Variants in AGBL1 observed in about 807,000 individuals in gnomAD.
The protein encoded by AGBL1 is cytosolic carboxypeptidase 4.
In AGBL1, 130 loss-of-function variants were observed where a neutral mutation model predicts 118.9. The ratio of observed to expected loss-of-function variants is 1.09; its 90% confidence interval spans 0.95 to 1.26. The LOEUF (loss-of-function observed/expected upper bound fraction) is 1.26, where lower values mean the gene tolerates loss of function less well. Ranked by LOEUF, AGBL1 falls within the 50% of genes most tolerant of loss-of-function variation. The probability of loss-of-function intolerance (pLI) is 0.00; values close to 1 mark genes in which losing one functional copy is unlikely to be tolerated. For synonymous variants in AGBL1, 555 were observed against 478.9 expected, an observed-to-expected ratio of 1.16 and a Z score of -2.08; for missense variants, 1,584 against 1,298.1, an observed-to-expected ratio of 1.22 and a Z score of -3.38.
chr15:86,890,747 T>C (rs1300717381), intron 22 of AGBL1, among the ~76,000 whole-genome samples: 3 of 152,206 alleles, frequency 2.0e-5, no homozygotes, highest in Non-Finnish European at 4.4e-5. Flanking sequence ...CATTGGTCTA[T>C]GTGTCTGTTT....
rs113770077 is a variant in AGBL1, at chr15:86,258,169, C to T, written c.969+138C>T. The T allele has an allele frequency of 3.1e-4, 247 of 784,726 alleles. 1 individual carries two copies. Among genetic ancestry groups the T allele is most frequent in the Middle Eastern group, 2.9e-3 (12 of 4,158 alleles). 48.6% of individuals were successfully genotyped at this position (784,726 alleles called of 1,614,324 possible). A position where few individuals can be genotyped will look rare whatever the true frequency, so the allele number is the denominator to read the frequency against. On this transcript the variant is annotated intron_variant, in intron 9 of 22. Transcript: ENST00000614907. ...TACTGCCACTCCAGTGGTCGTGATG[C>T]GCAGTAAATGATAGCTACTGTTATT...
intron 18 of AGBL1, among the ~76,000 whole-genome samples, chr15:86,497,575 G>T (rs2082869172): frequency 6.6e-6 from 1 of 151,894 alleles, no homozygotes; most frequent in Non-Finnish European, 1.5e-5. Flanking sequence ...CCTCAGCTGT[G>T]TTCCATGCCC....
Position 86,722,245 on chromosome 15 carries a change from G to A in AGBL1, c.3158+47809G>A, listed in dbSNP as rs193225984. ...CGAAGCTGGAGGCATCACGCTACCT[G>A]ACTTCAAACTCTACTACAAGTCTAC... On this transcript the variant is annotated intron_variant, in intron 22 of 22. Transcript: ENST00000614907. Among the ~76,000 whole-genome samples, 732 of 152,276 alleles carry A rather than the reference G, an allele frequency of 4.8e-3. 7 individuals are homozygous for A. Among genetic ancestry groups the A allele is most frequent in the Middle Eastern group, 0.014 (4 of 294 alleles).
intron 22 of AGBL1, among the ~76,000 whole-genome samples, chr15:86,840,203 G>A (rs941932313): frequency 1.3e-5 from 2 of 152,102 alleles, no homozygotes; most frequent in African/African-American, 2.4e-5. Flanking sequence ...ACAGAATTTT[G>A]GTTGTTGTTT....
chr15:86,708,487 A>T (rs950734317), intron 22 of AGBL1, among the ~76,000 whole-genome samples: 6 of 152,224 alleles, frequency 3.9e-5, no homozygotes, highest in South Asian at 2.1e-4. Context: ...GAAAGTGAGA[A>T]AACAAATTGC....
intron 1 of AGBL1, among the ~76,000 whole-genome samples, chr15:86,141,278 A>C (rs2076959488): frequency 6.6e-6 from 1 of 152,210 alleles, no homozygotes; most frequent in African/African-American, 2.4e-5. Flanking sequence ...TCCTGAGAAA[A>C]GGAGGAGTTC....
Position 86,120,746 on chromosome 15 carries a change from G to C in AGBL1, c.52-21258G>C, listed in dbSNP as rs1033116546. On this transcript the variant is annotated intron_variant, in intron 1 of 22. Coordinates refer to ENST00000614907, the MANE Select transcript of AGBL1 (RefSeq NM_001386094.1). The stretch of plus-strand genomic sequence containing the variant: ...CAATGCAAAAATGAGTAAAATATAA[G>C]ACAAGAGTATTAATTTCTCTAGAAA... Among the ~76,000 whole-genome samples the C allele has an allele frequency of 3.3e-5, 5 of 152,214 alleles. No individual in the cohort carries two copies. In the East Asian group the frequency reaches 9.7e-4, roughly 29 times the overall value.
At chr15:86,582,607 A>G (rs532379634) in intron 21 of AGBL1, among the ~76,000 whole-genome samples, 1 of 152,188 alleles carries the variant, frequency 6.6e-6, no homozygotes, top group Non-Finnish European at 1.5e-5. Context: ...ACTTGGAACC[A>G]AGCCAAATGT....
intron 17 of AGBL1, among the ~76,000 whole-genome samples, chr15:86,307,430 A>G (rs1000984494): frequency 6.6e-6 from 1 of 151,726 alleles, no homozygotes. Context: ...TAAATTTGTT[A>G]GTTTTTTTTT....
intron 22 of AGBL1, among the ~76,000 whole-genome samples, chr15:86,771,641 G>A (rs1006700764): frequency 1.3e-5 from 2 of 151,914 alleles, no homozygotes; most frequent in South Asian, 2.1e-4. Flanking sequence ...TAACATGTTC[G>A]GTAAATAGAA....
intron 18 of AGBL1, among the ~76,000 whole-genome samples, chr15:86,413,016 A>G (rs1202174541): frequency 2.6e-5 from 4 of 152,210 alleles, no homozygotes; most frequent in South Asian, 2.1e-4. Context: ...TTTGGATAAA[A>G]AGAATATTCA....
At chr15:86,534,260 A>C (rs903241567) in intron 19 of AGBL1, among the ~76,000 whole-genome samples, 3 of 152,166 alleles carry the variant, frequency 2.0e-5, no homozygotes, top group Admixed American at 1.3e-4. Flanking sequence ...CTTTGATAGG[A>C]ACATAGATGA....
At chr15:86,794,902 G>A (rs2078547587) in intron 22 of AGBL1, among the ~76,000 whole-genome samples, 1 of 152,158 alleles carries the variant, frequency 6.6e-6, no homozygotes, top group African/African-American at 2.4e-5. Context: ...GTCCCAAAGT[G>A]GACACAATGG....
Position 86,724,166 on chromosome 15 carries a change from G to A in AGBL1, c.3158+49730G>A, listed in dbSNP as rs955245869. On this transcript the variant is annotated intron_variant, in intron 22 of 22. Transcript: ENST00000614907. ...CAGGAGAATGGCGTGAATCCGGGAG[G>A]CCGAGCTTGCAGTGAGCTGCGATAG... 8.0e-4 allele frequency among the ~76,000 whole-genome samples: 120 copies of A among 149,812 alleles called. 1 individual carries two copies. The highest frequency in any genetic ancestry group is 1.4e-3 in the Non-Finnish European group (95 of 67,800).
At chr15:86,565,583 C>A (rs1298657588) in intron 21 of AGBL1, among the ~76,000 whole-genome samples, 1 of 152,226 alleles carries the variant, frequency 6.6e-6, no homozygotes, top group Non-Finnish European at 1.5e-5. Flanking sequence ...GGGTCAAGGA[C>A]CCACTTGAGG....
chr15:86,165,374 C>A (rs955435103), intron 5 of AGBL1, among the ~76,000 whole-genome samples: 1 of 152,124 alleles, frequency 6.6e-6, no homozygotes, highest in Non-Finnish European at 1.5e-5. Flanking sequence ...TCTCTTCTCC[C>A]TGCCCCCAAA....
chr15:86,180,976 A>G (rs138076894), intron 5 of AGBL1, among the ~76,000 whole-genome samples: 1 of 152,196 alleles, frequency 6.6e-6, no homozygotes, highest in African/African-American at 2.4e-5. Context: ...TGATACTACT[A>G]CTTACTTTTA....
intron 18 of AGBL1, among the ~76,000 whole-genome samples, chr15:86,465,681 A>T (rs1187204313): frequency 6.6e-6 from 1 of 152,076 alleles, no homozygotes; most frequent in East Asian, 1.9e-4. Context: ...TCTCCTGCAC[A>T]CCCCCAGGCT....
At chr15:86,958,538 T>G (rs1418910241) in intron 23 of AGBL1, among the ~76,000 whole-genome samples, 1 of 152,142 alleles carries the variant, frequency 6.6e-6, no homozygotes. Flanking sequence ...AAGTTTAGTA[T>G]AAGGTTCTGC....
Sources: allele counts gnomAD v4.1 joint callset (sites outside exome capture counted in the v4.1 genomes callset), GRCh38; gene constraint gnomAD v4.1.1; transcripts MANE v1.5; gene names NCBI Gene and HGNC (gene_info 2026-07-23, HGNC 2026-07-21).